The following FRMPD4 variants were observed in gnomAD, a reference collection of about 807,000 sequenced individuals.
FRMPD4 encodes FERM and PDZ domain-containing protein 4.
Under a neutral mutation model 94.1 loss-of-function variants are expected in FRMPD4, and 22 were observed. The observed-to-expected ratio is 0.23, with a 90% CI of 0.17 to 0.33. The LOEUF is 0.33. FRMPD4 is among the 10% of genes least tolerant of loss of function. FRMPD4 has a pLI of 1.00. For missense variants in FRMPD4, 1,111 were observed against 1,339.9 expected (o/e 0.83, Z 2.67); for synonymous variants, 631 against 548.6 (o/e 1.15, Z -2.10).
intron 1 of FRMPD4, among the ~76,000 whole-genome samples, chrX:12,150,412 A>G (rs759760199): frequency 1.8e-5 from 2 of 111,901 alleles, no homozygotes; most frequent in South Asian, 3.7e-4. Flanking sequence ...ACCCAGCCCT[A>G]TATCTGGGCC....
At chrX:12,526,239 G>T (rs2058222378) in intron 2 of FRMPD4, among the ~76,000 whole-genome samples, 1 of 111,944 alleles carries the variant, frequency 8.9e-6, no homozygotes, top group Non-Finnish European at 1.9e-5. Flanking sequence ...AGTATAGTCT[G>T]TCTGTGTCAC....
intron 2 of FRMPD4, among the ~76,000 whole-genome samples, chrX:12,504,906 G>A (rs2057963546): frequency 8.9e-6 from 1 of 112,493 alleles, no homozygotes; most frequent in Admixed American, 9.4e-5. Flanking sequence ...TGTCCAGCAG[G>A]CCAGAGTATC....
At chrX:12,546,545 C>T (rs2058478690) in intron 2 of FRMPD4, among the ~76,000 whole-genome samples, 1 of 111,798 alleles carries the variant, frequency 8.9e-6, no homozygotes, top group Non-Finnish European at 1.9e-5. Context: ...GTCCTTATGA[C>T]CAGTGTTTTC....
chrX:12,076,925 G>T (rs1017545945), intron 3 of FRMPD4, among the ~76,000 whole-genome samples: 1 of 111,612 alleles, frequency 9.0e-6, no homozygotes, highest in Non-Finnish European at 1.9e-5. Flanking sequence ...TACACCTCAA[G>T]TTTGTATTAT....
chrX:12,305,518 C>A (rs2054921428), intron 1 of FRMPD4, among the ~76,000 whole-genome samples: 1 of 107,201 alleles, frequency 9.3e-6, no homozygotes, highest in African/African-American at 3.4e-5. Flanking sequence ...TCCTAGGCAG[C>A]AAAGCACTTA....
At chrX:12,158,799 T>C (rs779496780) in intron 1 of FRMPD4, among the ~76,000 whole-genome samples, 2 of 112,236 alleles carry the variant, frequency 1.8e-5, no homozygotes, top group African/African-American at 6.5e-5. Context: ...GCCTGTTTTT[T>C]GGTGATCGTA....
intron 1 of FRMPD4, among the ~76,000 whole-genome samples, chrX:12,289,667 G>A (rs1251872761): frequency 9.0e-6 from 1 of 111,405 alleles, no homozygotes; most frequent in Non-Finnish European, 1.9e-5. Context: ...AATTGAAGAG[G>A]TAAGGGGCTG....
At chrX:12,094,022 A>G (rs183309373) in intron 3 of FRMPD4, among the ~76,000 whole-genome samples, 15 of 112,582 alleles carry the variant, frequency 1.3e-4, no homozygotes, top group African/African-American at 4.8e-4. Context: ...AGATATATCA[A>G]AGACTAATTC....
At position 12,167,779 on chromosome X, in the gene FRMPD4, A is replaced by G. The variant is rs761088347; in HGVS notation, c.41+28767A>G. Among the ~76,000 whole-genome samples, 4 of 112,271 alleles carry G rather than the reference A, an allele frequency of 3.6e-5. No individual in the cohort carries two copies. In the South Asian group the frequency reaches 1.5e-3, roughly 42 times the overall value. ...GCTATTGGGATCATGTGCCATGTGTACGACATAAACAATGATAACTTGATT... is the reference window on the plus strand; with the variant it reads ...GCTATTGGGATCATGTGCCATGTGTGCGACATAAACAATGATAACTTGATT... On this transcript the variant is annotated intron_variant, in intron 1 of 16. Coordinates refer to ENST00000675598, the MANE Select transcript of FRMPD4 (RefSeq NM_001368397.1).
At chrX:12,165,190 A>G (rs1363383645) in intron 1 of FRMPD4, among the ~76,000 whole-genome samples, 11 of 112,225 alleles carry the variant, frequency 9.8e-5, no homozygotes, top group Non-Finnish European at 2.1e-4. Flanking sequence ...TAGGTCTAAC[A>G]TGTAAGTCTT....
intron 1 of FRMPD4, among the ~76,000 whole-genome samples, chrX:12,204,746 G>A (rs1475592883): frequency 9.0e-6 from 1 of 110,612 alleles, no homozygotes; most frequent in Admixed American, 9.6e-5. Flanking sequence ...TCTGTATCTT[G>A]ACATTTTAAA....
At chrX:11,918,655 G>T (rs909140704) in intron 3 of FRMPD4, among the ~76,000 whole-genome samples, 36 of 112,645 alleles carry the variant, frequency 3.2e-4, no homozygotes, top group African/African-American at 1.2e-3. Flanking sequence ...GTGTATTTGG[G>T]TCTCATGGGA....
At chrX:12,602,424 C>T (rs1380000696) in intron 2 of FRMPD4, among the ~76,000 whole-genome samples, 1 of 111,278 alleles carries the variant, frequency 9.0e-6, no homozygotes, top group Non-Finnish European at 1.9e-5. Context: ...CTGTGGCTGC[C>T]ATGCCACCAA....
chrX:12,057,398 A>G (rs1334334330), intron 3 of FRMPD4, among the ~76,000 whole-genome samples: 1 of 112,080 alleles, frequency 8.9e-6, no homozygotes, highest in African/African-American at 3.2e-5. Context: ...ATGTTAAGAA[A>G]TGGTGAAAAA....
intron 1 of FRMPD4, among the ~76,000 whole-genome samples, chrX:12,479,041 T>C (rs537872158): frequency 3.6e-5 from 4 of 111,046 alleles, no homozygotes; most frequent in African/African-American, 1.3e-4. Flanking sequence ...AGACTGTTAA[T>C]AACACAGGAT....
At chrX:12,699,759 T>A in intron 9 of FRMPD4, among the ~76,000 whole-genome samples, 1 of 112,613 alleles carries the variant, frequency 8.9e-6, no homozygotes, top group East Asian at 2.8e-4. Flanking sequence ...TTAACGTATA[T>A]CCATGGGAGC....
intron 2 of FRMPD4, among the ~76,000 whole-genome samples, chrX:12,605,003 T>A (rs2059117847): frequency 8.9e-6 from 1 of 112,368 alleles, no homozygotes; most frequent in South Asian, 3.7e-4. Context: ...TCTTATGAAC[T>A]TGTTATGATC....
intron 3 of FRMPD4, among the ~76,000 whole-genome samples, chrX:12,002,001 T>C (rs1433466969): frequency 9.0e-6 from 1 of 111,609 alleles, no homozygotes. Flanking sequence ...CTGTTACTCT[T>C]CCTGGGGGCC....
intron 4 of FRMPD4, among the ~76,000 whole-genome samples, chrX:12,619,831 C>T (rs1222117057): frequency 9.0e-6 from 1 of 111,312 alleles, no homozygotes; most frequent in Non-Finnish European, 1.9e-5. Flanking sequence ...AGTTCATACC[C>T]CCAGAGGTAG....
Sources: gnomAD v4.1 joint callset for allele counts (sites outside exome capture counted in the v4.1 genomes callset) on GRCh38, gnomAD v4.1.1 for gene constraint, MANE v1.5 for transcripts, NCBI Gene and HGNC (gene_info 2026-07-23, HGNC 2026-07-21) for gene names.